Variants in SDK1 observed in about 807,000 individuals in gnomAD.
SDK1 encodes the protein sidekick cell adhesion molecule 1.
In SDK1, 157 loss-of-function variants were observed where a neutral mutation model predicts 245.5. The ratio of observed to expected loss-of-function variants is 0.64; its 90% confidence interval spans 0.56 to 0.73. The LOEUF (loss-of-function observed/expected upper bound fraction) is 0.73, where lower values mean the gene tolerates loss of function less well. Ranked by LOEUF, SDK1 falls within the 30% of genes least tolerant of loss-of-function variation. SDK1 has a pLI of 0.00. For synonymous variants in SDK1, 1,647 were observed against 1,278.5 expected (o/e 1.29, Z -6.15); for missense variants, 3,583 against 3,002.3 (o/e 1.19, Z -4.52).
intron 1 of SDK1, among the ~76,000 whole-genome samples, chr7:3,512,051 G>A (rs1441305837): frequency 6.6e-6 from 1 of 151,472 alleles, no homozygotes; most frequent in Non-Finnish European, 1.5e-5. Flanking sequence ...TATGAGGTGT[G>A]TATTCATCAT....
intron 1 of SDK1, among the ~76,000 whole-genome samples, chr7:3,601,352 ATT>A (rs945514878): frequency 9.9e-5 from 15 of 152,150 alleles, no homozygotes; most frequent in African/African-American, 3.6e-4. Context: ...GGTCTGGAGA[ATT>A]TTTATTGAGA....
chr7:3,996,488 C>T (rs752839942), intron 14 of SDK1, among the ~76,000 whole-genome samples: 10 of 152,092 alleles, frequency 6.6e-5, no homozygotes, highest in Non-Finnish European at 1.2e-4. Flanking sequence ...TCTGGTTTTC[C>T]GTCCAGAAAA....
At chr7:4,083,081 T>A (rs908771847) in intron 22 of SDK1, among the ~76,000 whole-genome samples, 4 of 152,190 alleles carry the variant, frequency 2.6e-5, no homozygotes, top group Non-Finnish European at 5.9e-5. Flanking sequence ...AAAAAAATGT[T>A]AACAGCTTTA....
chr7:3,307,056 A>C (rs1425365134), intron 1 of SDK1, among the ~76,000 whole-genome samples: 2 of 152,190 alleles, frequency 1.3e-5, no homozygotes, highest in Admixed American at 6.6e-5. Context: ...AGAAAAATTA[A>C]GGTTTATTTA....
At chr7:4,152,173 C>G (rs535320811) in intron 30 of SDK1, among the ~76,000 whole-genome samples, 1 of 152,328 alleles carries the variant, frequency 6.6e-6, no homozygotes. Flanking sequence ...GAACTGGCAG[C>G]CAAGAAATAA....
At chr7:4,005,047 T>TTC (rs1226431408) in intron 14 of SDK1, among the ~76,000 whole-genome samples, 1 of 139,622 alleles carries the variant, frequency 7.2e-6, no homozygotes, top group Non-Finnish European at 1.5e-5. Flanking sequence ...ACCTTTTTTT[T>TTC]TTTTTTTTTT....
Position 4,114,048 on chromosome 7 carries a change from T to C in SDK1, c.3597T>C (p.Asp1199=), listed in dbSNP as rs1334753980. Residue 1199 remains aspartate, a synonymous_variant, in exon 25 of 45, where the codon GAT becomes GAC. Transcript: ENST00000404826. The part of the protein sequence containing the change: ...SLRLRWVPLP[D]SQYNGNPESV... ...TCGTTCCTTCCTAGCCCCTGCCGGA[T>C]TCTCAGTACAACGGGAACCCCGAGT... The C allele has an allele frequency of 6.2e-7, 1 of 1,614,056 alleles. No individual in the cohort carries two copies. The highest frequency in any genetic ancestry group is 8.5e-7 in the Non-Finnish European group (1 of 1,179,918).
intron 5 of SDK1, among the ~76,000 whole-genome samples, chr7:3,932,539 GA>G (rs1270803833): frequency 1.3e-5 from 2 of 152,190 alleles, no homozygotes; most frequent in African/African-American, 4.8e-5. Flanking sequence ...TCATTTAAAG[GA>G]AGCTGGGGCA....
chr7:4,146,814 C>T (rs774578822), intron 29 of SDK1, among the ~76,000 whole-genome samples: 3 of 152,232 alleles, frequency 2.0e-5, no homozygotes, highest in African/African-American at 2.4e-5. Context: ...CTGCAGCCCA[C>T]GGAGCAGCAT....
intron 1 of SDK1, among the ~76,000 whole-genome samples, chr7:3,593,366 A>G (rs1780947942): frequency 6.6e-6 from 1 of 152,144 alleles, no homozygotes; most frequent in African/African-American, 2.4e-5. Flanking sequence ...GTCTGGGGAT[A>G]GTATGTGATG....
At chr7:4,249,694 C>A (rs762910068) in intron 44 of SDK1, among the ~76,000 whole-genome samples, 1 of 152,198 alleles carries the variant, frequency 6.6e-6, no homozygotes. Context: ...GTCTGTAGAG[C>A]TCTTTGCTAG....
chr7:4,219,608 G>A (rs1318888884), intron 38 of SDK1, among the ~76,000 whole-genome samples: 2 of 152,174 alleles, frequency 1.3e-5, no homozygotes, highest in Admixed American at 6.5e-5. Flanking sequence ...CTTGACAAGT[G>A]GGGATTATTA....
At chr7:3,771,539 C>A (rs1780405702) in intron 4 of SDK1, among the ~76,000 whole-genome samples, 2 of 152,106 alleles carry the variant, frequency 1.3e-5, no homozygotes, top group African/African-American at 4.8e-5. Flanking sequence ...CCTGTCTGTA[C>A]TTTGGTTACA....
intron 4 of SDK1, among the ~76,000 whole-genome samples, chr7:3,810,117 C>G (rs187790579): frequency 6.6e-6 from 1 of 152,134 alleles, no homozygotes; most frequent in Non-Finnish European, 1.5e-5. Flanking sequence ...GAATTGACTG[C>G]TGTTTGCAGA....
chr7:3,741,058 T>C (rs1779462114), intron 4 of SDK1, among the ~76,000 whole-genome samples: 1 of 152,202 alleles, frequency 6.6e-6, no homozygotes, highest in Non-Finnish European at 1.5e-5. Context: ...TCATGGAATG[T>C]GGTGTCTGTG....
chr7:3,866,756 C>G (rs915733995), intron 5 of SDK1, among the ~76,000 whole-genome samples: 2 of 152,112 alleles, frequency 1.3e-5, no homozygotes, highest in African/African-American at 4.8e-5. Flanking sequence ...TCCCAGGGCA[C>G]AGGAATGGCA....
chr7:3,571,479 T>C (rs868444460), intron 1 of SDK1, among the ~76,000 whole-genome samples: 1 of 151,856 alleles, frequency 6.6e-6, no homozygotes, highest in African/African-American at 2.4e-5. Context: ...ATTTAAAAAT[T>C]TTTTTTGTAC....
At chr7:3,485,760 G>A (rs529982943) in intron 1 of SDK1, among the ~76,000 whole-genome samples, 1 of 95,614 alleles carries the variant, frequency 1.0e-5, no homozygotes, top group East Asian at 3.4e-4. Context: ...ATTTAAAAAT[G>A]TTCCATCTAT....
chr7:3,967,423 C>A lies in SDK1; in HGVS notation c.1535C>A (p.Thr512Asn), dbSNP rs1378033744. ...TCCGGGGCTCCCAAACCCGCCATCACCTGGAAAAGAGGTGGGTAGCATCCA... is the reference window on the plus strand; with the variant it reads ...TCCGGGGCTCCCAAACCCGCCATCAACTGGAAAAGAGGTGGGTAGCATCCA... ...EVSGAPKPAI[T>N]WKRENHILAS... The change falls in exon 10 of 45, where the codon ACC becomes AAC. Residue 512 changes from threonine (T) to asparagine (N), a missense_variant. Coordinates refer to ENST00000404826, the MANE Select transcript of SDK1 (RefSeq NM_152744.4). 1 of 1,611,118 alleles carries A rather than the reference C, an allele frequency of 6.2e-7. No individual in the cohort carries two copies. The highest frequency in any genetic ancestry group is 2.2e-5 in the East Asian group (1 of 44,872).
Sources: allele counts gnomAD v4.1 joint callset (sites outside exome capture counted in the v4.1 genomes callset), GRCh38; gene constraint gnomAD v4.1.1; transcripts MANE v1.5; gene names NCBI Gene and HGNC (gene_info 2026-07-23, HGNC 2026-07-21).